Variants in SCIN observed in about 807,000 individuals in gnomAD.
SCIN encodes adseverin.
SCIN carries 91 observed loss-of-function variants against 91.8 expected under a neutral mutation model. The ratio of observed to expected loss-of-function variants is 0.99; its 90% CI spans 0.84 to 1.18. SCIN has a LOEUF of 1.18. Among genes scored for constraint, SCIN ranks in the 50% most tolerant of loss-of-function variants. The probability of loss-of-function intolerance (pLI) is 0.00; values close to 1 mark genes in which losing one functional copy is unlikely to be tolerated. For missense variants in SCIN, 1,087 were observed against 863.9 expected (o/e 1.26, Z -3.24); for synonymous variants, 367 against 312.6 (o/e 1.17, Z -1.84).
At chr7:12,611,622 G>A (rs1480077652) in intron 4 of SCIN, among the ~76,000 whole-genome samples, 1 of 152,176 alleles carries the variant, frequency 6.6e-6, no homozygotes, top group South Asian at 2.1e-4. Flanking sequence ...TCTTTATAGG[G>A]TTGTATCGAA....
intron 3 of SCIN, among the ~76,000 whole-genome samples, chr7:12,581,628 A>G (rs747079834): frequency 2.6e-5 from 4 of 152,180 alleles, no homozygotes; most frequent in Non-Finnish European, 5.9e-5. Flanking sequence ...CAGCCACCTA[A>G]AGAATTTTAA....
At chr7:12,645,173 G>C (rs535158268) in intron 13 of SCIN, among the ~76,000 whole-genome samples, 1 of 151,244 alleles carries the variant, frequency 6.6e-6, no homozygotes, top group African/African-American at 2.4e-5. Context: ...ACAAAAATTA[G>C]TCAGGCATGG....
intron 13 of SCIN, among the ~76,000 whole-genome samples, chr7:12,645,820 T>C (rs1783955566): frequency 6.6e-6 from 1 of 152,242 alleles, no homozygotes. Context: ...AATGTTGTGA[T>C]GTCCTATATA....
In SCIN at chr7:12,590,515, T is replaced by C. The variant is rs113612427; in HGVS notation, c.516+9294T>C. Among the ~76,000 whole-genome samples, 927 of 152,162 alleles carry C rather than the reference T, an allele frequency of 6.1e-3. 14 individuals carry two copies. Among genetic ancestry groups the C allele is most frequent in the African/African-American group, 0.021 (891 of 41,488 alleles). On this transcript the variant is annotated intron_variant, in intron 3 of 15. Coordinates refer to ENST00000297029, the MANE Select transcript of SCIN (RefSeq NM_001112706.3). The stretch of plus-strand genomic sequence containing the variant: ...TGAAGAGATGTCAGAATTTCTTTGG[T>C]CTGCTCTTAGGGGAGGACGAGCTTT...
chr7:12,596,061 G>A (rs762219696), intron 3 of SCIN, among the ~76,000 whole-genome samples: 10 of 152,142 alleles, frequency 6.6e-5, no homozygotes, highest in Admixed American at 5.2e-4. Flanking sequence ...AGAAAGGAAC[G>A]TATGCTTGGA....
At chr7:12,578,037 T>G in intron 1 of SCIN, 27 bp from the exon 2 acceptor site, 1 of 1,505,756 alleles carries the variant, frequency 6.6e-7, no homozygotes. Context: ...TGCTTGATAA[T>G]TGAGGTGCTG....
At position 12,578,175 on chromosome 7, in the gene SCIN, CT is replaced by C; in HGVS notation, c.312del (p.Asn105MetfsTer11). On this transcript the variant is annotated frameshift_variant, in exon 2 of 16. Coordinates refer to ENST00000297029, the MANE Select transcript of SCIN (RefSeq NM_001112706.3). LOFTEE classifies it high-confidence loss of function. ...VQNRELQGYE[S>X]NDFVSYFKGG... ...AATAGAGAACTTCAAGGATATGAGT[CT>C]AATGACTTTGTTAGCTATTTCAAAG... 6.5e-7 allele frequency: 1 copy of C among 1,550,030 alleles called. No homozygotes were observed. The highest frequency in any genetic ancestry group is 8.7e-7 in the Non-Finnish European group (1 of 1,146,124).
In SCIN at chr7:12,633,782, G is replaced by A. The variant is rs141346372; in HGVS notation, c.1320-2263G>A. The stretch of plus-strand genomic sequence containing the variant: ...AACAATGCATGATAACAGACCCTGC[G>A]GTGGCCCATCATCATGCAGCTCTGT... On this transcript the variant is annotated intron_variant, in intron 9 of 15. Coordinates refer to ENST00000297029, the MANE Select transcript of SCIN (RefSeq NM_001112706.3). 1.0e-3 allele frequency among the ~76,000 whole-genome samples: 159 copies of A among 152,280 alleles called. 2 individuals are homozygous for A. The highest frequency in any genetic ancestry group is 3.1e-3 in the Admixed American group (48 of 15,288).
chr7:12,630,089 T>C (rs1220699398), intron 9 of SCIN, among the ~76,000 whole-genome samples: 1 of 152,088 alleles, frequency 6.6e-6, no homozygotes, highest in East Asian at 1.9e-4. Flanking sequence ...AGAATATAGA[T>C]GCATTCAGTC....
intron 3 of SCIN, among the ~76,000 whole-genome samples, chr7:12,598,557 C>G (rs1345428565): frequency 6.6e-6 from 1 of 152,104 alleles, no homozygotes; most frequent in African/African-American, 2.4e-5. Flanking sequence ...TTTTAATGTA[C>G]TGCTGCCACC....
In SCIN at chr7:12,622,790, C is replaced by CT; in HGVS notation, c.667-5dup. Reference sequence around the variant, plus strand: ...TCTTTATCTTTGCATCCACTGCTCACTTTTTTCCAGGTCTTAGGGGAAAAG... The same window carrying CT: ...TCTTTATCTTTGCATCCACTGCTCACTTTTTTTCCAGGTCTTAGGGGAAAAG... On this transcript the variant is annotated splice_polypyrimidine_tract_variant and intron_variant, in intron 4 of 15. Coordinates refer to ENST00000297029, the MANE Select transcript of SCIN (RefSeq NM_001112706.3). 1 of 1,607,030 alleles carries CT rather than the reference C, an allele frequency of 6.2e-7. No homozygotes were observed. Among genetic ancestry groups the CT allele is most frequent in the Non-Finnish European group, 8.5e-7 (1 of 1,174,164 alleles).
intron 4 of SCIN, among the ~76,000 whole-genome samples, chr7:12,606,845 T>C (rs1344967036): frequency 6.6e-6 from 1 of 152,236 alleles, no homozygotes; most frequent in Non-Finnish European, 1.5e-5. Flanking sequence ...TACTGGATTT[T>C]CATTGGTTAG....
rs548117906 is a variant in SCIN at position 12,641,497 on chromosome 7, A to G, written c.1581+980A>G. Among the ~76,000 whole-genome samples the G allele has an allele frequency of 1.6e-3, 237 of 152,250 alleles. 1 individual carries two copies. The highest frequency in any genetic ancestry group is 2.8e-3 in the Non-Finnish European group (193 of 68,020). On this transcript the variant is annotated intron_variant, in intron 11 of 15. Coordinates refer to ENST00000297029, the MANE Select transcript of SCIN (RefSeq NM_001112706.3). ...TCCTCTAGACCTCTTGTGCTTTCAT[A>G]GACTGAACTGCCAGTCCTCCTCTTC... is the stretch of plus-strand genomic sequence containing the variant.
In SCIN at chr7:12,636,031, T is replaced by A; in HGVS notation, c.1320-14T>A. 1 of 1,604,998 alleles carries A rather than the reference T, an allele frequency of 6.2e-7. No individual in the cohort carries two copies. The highest frequency in any genetic ancestry group is 8.5e-7 in the Non-Finnish European group (1 of 1,174,274). Reference sequence around the variant, plus strand: ...TTAAAGGCAAGCTAATTCGTTTCACTTTCATTCCTCTAGGCAAGGAGCAAA... The same window carrying A: ...TTAAAGGCAAGCTAATTCGTTTCACATTCATTCCTCTAGGCAAGGAGCAAA... On this transcript the variant is annotated splice_polypyrimidine_tract_variant and intron_variant, in intron 9 of 15. Transcript: ENST00000297029.
At chr7:12,596,543 G>A in intron 3 of SCIN, 1 of 433,108 alleles carries the variant, frequency 2.3e-6, no homozygotes, top group Non-Finnish European at 4.6e-6. Context: ...TTGGGGGAGG[G>A]CCCTCTCCTG....
intron 13 of SCIN, among the ~76,000 whole-genome samples, chr7:12,645,987 G>A (rs1783958918): frequency 6.6e-6 from 1 of 152,148 alleles, no homozygotes; most frequent in South Asian, 2.1e-4. Context: ...AATTTTACAT[G>A]TCAATTTCCC....
chr7:12,632,564 G>C (rs1217625310), intron 9 of SCIN, among the ~76,000 whole-genome samples: 1 of 152,174 alleles, frequency 6.6e-6, no homozygotes, highest in Non-Finnish European at 1.5e-5. Flanking sequence ...ATTTAGTGTA[G>C]TGACAACAGG....
At chr7:12,629,664 A>G (rs1335658008) in intron 9 of SCIN, among the ~76,000 whole-genome samples, 1 of 152,220 alleles carries the variant, frequency 6.6e-6, no homozygotes, top group Non-Finnish European at 1.5e-5. Flanking sequence ...CCTCAACTTG[A>G]TGCAATTCTT....
At chr7:12,617,089 G>C (rs1783315187) in intron 4 of SCIN, among the ~76,000 whole-genome samples, 1 of 152,138 alleles carries the variant, frequency 6.6e-6, no homozygotes, top group Non-Finnish European at 1.5e-5. Flanking sequence ...TGTGTGGCAA[G>C]AAGTCCAGTG....
Sources: allele counts gnomAD v4.1 joint callset (sites outside exome capture counted in the v4.1 genomes callset), GRCh38; gene constraint gnomAD v4.1.1; transcripts MANE v1.5; gene names NCBI Gene and HGNC (gene_info 2026-07-23, HGNC 2026-07-21).